The following ZNF195 variants were observed in gnomAD, a reference collection of about 807,000 sequenced individuals.
ZNF195 encodes hypoxia-regulated factor-1.
Under a neutral mutation model 19.5 loss-of-function variants are expected in ZNF195, and 11 were observed. That is an observed-to-expected ratio of 0.57 (90% CI 0.36 to 0.94). The LOEUF is 0.94. Among genes scored for constraint, ZNF195 ranks in the 40% least tolerant of loss-of-function variants. ZNF195 has a pLI of 0.01. For missense variants in ZNF195, 582 were observed against 709.0 expected, an observed-to-expected ratio of 0.82 and a Z score of 2.03; for synonymous variants, 214 against 248.1, an observed-to-expected ratio of 0.86 and a Z score of 1.29.
At chr11:3,373,770 C>A in intron 1 of ZNF195, 1 of 757,400 alleles carries the variant, frequency 1.3e-6, no homozygotes, top group Non-Finnish European at 2.1e-6. Context: ...CTTTTCTGTT[C>A]TTTATAAAAG....
chr11:3,376,725 C>A (rs2133745752), intron 1 of ZNF195, among the ~76,000 whole-genome samples: 1 of 152,304 alleles, frequency 6.6e-6, no homozygotes, highest in South Asian at 2.1e-4. Context: ...CATAACAAAT[C>A]ATATAGTAAA....
rs1589797694 is a variant in ZNF195, at chr11:3,358,584, A to G, written c.*534T>C. On this transcript the variant is annotated 3_prime_UTR_variant, in exon 6 of 6. Coordinates refer to ENST00000399602, the MANE Select transcript of ZNF195 (RefSeq NM_001130520.3). ...CTGATTTGAGAATAGAATGACATCAATATTCGCTTTTCAAAAATTTAACAT... is the reference window on the plus strand; with the variant it reads ...CTGATTTGAGAATAGAATGACATCAGTATTCGCTTTTCAAAAATTTAACAT... 6.6e-6 allele frequency: 1 copy of G among 152,288 alleles called. No individual in the cohort carries two copies. Among genetic ancestry groups the G allele is most frequent in the African/African-American group, 2.4e-5 (1 of 41,470 alleles). 9.4% of individuals were successfully genotyped at this position (152,288 alleles called of 1,614,324 possible). A position where few individuals can be genotyped will look rare whatever the true frequency, so the allele number is the denominator to read the frequency against.
Position 3,379,050 on chromosome 11 carries a change from T to C in ZNF195, c.-10A>G. On this transcript the variant is annotated 5_prime_UTR_variant, in exon 1 of 6. Coordinates refer to ENST00000399602, the MANE Select transcript of ZNF195 (RefSeq NM_001130520.3). ...CCCCTACACTCACCATCTCCTGGCC[T>C]CCAGAGAGCCTGGCGTTTCACTTCT... 1 of 1,494,886 alleles carries C rather than the reference T, an allele frequency of 6.7e-7. No individual in the cohort carries two copies. 92.6% of individuals were successfully genotyped at this position (1,494,886 alleles called of 1,614,324 possible). A position where few individuals can be genotyped will look rare whatever the true frequency, so the allele number is the denominator to read the frequency against.
chr11:3,360,031 T>C lies in ZNF195; in HGVS notation c.977A>G (p.His326Arg). Residue 326 changes from histidine (H) to arginine (R), a missense_variant, in exon 6 of 6, where the codon CAT (histidine) becomes CGT (arginine). This residue lies in a region of ZNF195 where 407 missense variants were observed against 530.5 expected (regional missense o/e 0.77). Coordinates refer to ENST00000399602, the MANE Select transcript of ZNF195 (RefSeq NM_001130520.3). ...TTTGCCAAATTCTTCACATCTGTAA[T>C]GTTCCCCTCCGGCATAAATTCTATT... is the stretch of plus-strand genomic sequence containing the variant. ...TKNRIYAGGEHYRCEEFGKVF... is the reference protein window; with the variant it reads ...TKNRIYAGGERYRCEEFGKVF... 1 of 1,614,074 alleles carries C rather than the reference T, an allele frequency of 6.2e-7. No individual in the cohort carries two copies. Among genetic ancestry groups the C allele is most frequent in the Non-Finnish European group, 8.5e-7 (1 of 1,180,038 alleles).
intron 1 of ZNF195, among the ~76,000 whole-genome samples, chr11:3,375,007 C>T (rs150230291): frequency 5.3e-5 from 8 of 152,304 alleles, no homozygotes; most frequent in African/African-American, 1.9e-4. Context: ...GTATCAGTTC[C>T]GGAGAGGCAG....
chr11:3,365,672 A>G (rs1848844433), intron 3 of ZNF195, among the ~76,000 whole-genome samples: 1 of 152,236 alleles, frequency 6.6e-6, no homozygotes, highest in Non-Finnish European at 1.5e-5. Context: ...AAATTCTTTA[A>G]AAAGAACAAA....
At chr11:3,371,295 A>T (rs1849196802) in intron 2 of ZNF195, 1 of 659,352 alleles carries the variant, frequency 1.5e-6, no homozygotes, top group Admixed American at 3.3e-5. Flanking sequence ...TGGAAATTTG[A>T]CTTTAAGTTG....
chr11:3,364,322 G>A lies in ZNF195; in HGVS notation c.227-2433C>T, dbSNP rs193283864. On this transcript the variant is annotated intron_variant, in intron 3 of 5. Coordinates refer to ENST00000399602, the MANE Select transcript of ZNF195 (RefSeq NM_001130520.3). ...CAAAATACAGAAAAAATACTCAAAA[G>A]ACTTCATCGTATTAAAAAAGACAAT... Among the ~76,000 whole-genome samples, 575 of 152,044 alleles carry A rather than the reference G, an allele frequency of 3.8e-3. 4 individuals are homozygous for A. Among genetic ancestry groups the A allele is most frequent in the African/African-American group, 0.013 (533 of 41,452 alleles).
intron 4 of ZNF195, 92 bp downstream of exon 4, chr11:3,361,651 G>A (rs1848637518): frequency 2.8e-6 from 3 of 1,055,882 alleles, no homozygotes; most frequent in South Asian, 1.4e-5. Context: ...AGGGACATAA[G>A]ACACATTATA....
intron 1 of ZNF195, 31 bp from the exon 2 acceptor site, chr11:3,371,734 C>T: frequency 5.7e-6 from 9 of 1,570,688 alleles, no homozygotes; most frequent in Non-Finnish European, 7.8e-6. Flanking sequence ...ATAACAAATA[C>T]TTGATTCGAG....
At chr11:3,366,453 T>A (rs1848890806) in intron 3 of ZNF195, among the ~76,000 whole-genome samples, 1 of 151,770 alleles carries the variant, frequency 6.6e-6, no homozygotes, top group Non-Finnish European at 1.5e-5. Context: ...TAGGAGTGTA[T>A]CCTTATATTC....
At chr11:3,364,718 C>G (rs1848782253) in intron 3 of ZNF195, among the ~76,000 whole-genome samples, 1 of 152,038 alleles carries the variant, frequency 6.6e-6, no homozygotes, top group South Asian at 2.1e-4. Context: ...ACAAAATCAA[C>G]AAAACAAACG....
chr11:3,361,668 G>C (rs1463146850), intron 4 of ZNF195, 75 bp downstream of exon 4: 2 of 1,243,986 alleles, frequency 1.6e-6, no homozygotes, highest in Non-Finnish European at 2.1e-6. Context: ...TATAACCACA[G>C]TTTCCAAAGT....
In ZNF195 at chr11:3,379,141, G is replaced by A. The variant is rs1290722659; in HGVS notation, c.-101C>T. ...CAGGGGACACAGAGCCGCGGGGACA[G>A]GAAGTGGAGCTCTGTCGGGACAAAG... On this transcript the variant is annotated 5_prime_UTR_variant, in exon 1 of 6. Transcript: ENST00000399602. The A allele has an allele frequency of 4.4e-6, 6 of 1,378,256 alleles. No homozygotes were observed. The East Asian group carries it at 1.7e-4, about 39-fold the overall frequency. The allele number at this position is 1,378,256 out of a possible 1,614,324, so 85.4% of individuals were successfully genotyped here. A position where few individuals can be genotyped will look rare whatever the true frequency, so the allele number is the denominator to read the frequency against.
chr11:3,368,023 C>T, intron 3 of ZNF195, among the ~76,000 whole-genome samples: 1 of 151,870 alleles, frequency 6.6e-6, no homozygotes. Flanking sequence ...GGTTGCAGTG[C>T]CGAGATCGCG....
chr11:3,373,357 G>A (rs1435236787), intron 1 of ZNF195, among the ~76,000 whole-genome samples: 1 of 152,072 alleles, frequency 6.6e-6, no homozygotes, highest in Non-Finnish European at 1.5e-5. Flanking sequence ...AATTCTTCAT[G>A]GCATATAAGA....
chr11:3,360,041 C>T lies in ZNF195; in HGVS notation c.967G>A (p.Gly323Arg), dbSNP rs148162721. The T allele has an allele frequency of 9.8e-4, 1,583 of 1,613,994 alleles. 3 individuals are homozygous for T. In the African/African-American group the frequency reaches 0.01, roughly 11 times the overall value. The change falls in exon 6 of 6, where the codon GGA becomes AGA. Residue 323 changes from glycine to arginine, a missense_variant. By Grantham distance (125) the Gly-to-Arg change is moderately radical. Around this residue, in one of 3 missense-constraint regions of ZNF195, gnomAD observed 407 missense variants for 530.5 expected, o/e 0.77. Coordinates refer to ENST00000399602, the MANE Select transcript of ZNF195 (RefSeq NM_001130520.3). Reference protein sequence around the residue: ...SVLTKNRIYAGGEHYRCEEFG... With the variant: ...SVLTKNRIYARGEHYRCEEFG... ...TCTTCACATCTGTAATGTTCCCCTC[C>T]GGCATAAATTCTATTTTTAGTAAGG...
At chr11:3,361,325 G>T (rs1488840784) in intron 4 of ZNF195, among the ~76,000 whole-genome samples, 1 of 152,136 alleles carries the variant, frequency 6.6e-6, no homozygotes, top group African/African-American at 2.4e-5. Flanking sequence ...AAGATGACAT[G>T]TACAAAGTAT....
chr11:3,372,197 A>G (rs1044567567), intron 1 of ZNF195, among the ~76,000 whole-genome samples: 8 of 152,218 alleles, frequency 5.3e-5, no homozygotes, highest in Non-Finnish European at 1.2e-4. Context: ...GGTTTATCCC[A>G]GTTTTTCTAA....
Sources: allele counts gnomAD v4.1 joint callset (sites outside exome capture counted in the v4.1 genomes callset), GRCh38; gene constraint gnomAD v4.1.1; regional missense constraint gnomAD v4.1.1; transcripts MANE v1.5; gene names NCBI Gene and HGNC (gene_info 2026-07-23, HGNC 2026-07-21).